The following RBFOX1 variants were observed in gnomAD, a reference collection of about 807,000 sequenced individuals.
RBFOX1 encodes RNA binding protein fox-1 homolog 1.
Under a neutral mutation model 57.7 loss-of-function variants are expected in RBFOX1, and 8 were observed. That is an observed-to-expected ratio of 0.14 (90% CI 0.08 to 0.25). The LOEUF (loss-of-function observed/expected upper bound fraction) is 0.25. Among genes scored for constraint, RBFOX1 ranks in the 10% least tolerant of loss-of-function variants. The pLI, the probability that RBFOX1 is intolerant of heterozygous loss-of-function variation, is 1.00. For synonymous variants in RBFOX1, 326 were observed against 222.4 expected (o/e 1.47, Z -4.15); for missense variants, 611 against 548.5 (o/e 1.11, Z -1.14).
chr16:6,545,004 T>C (rs1046839589), intron 2 of RBFOX1, among the ~76,000 whole-genome samples: 4 of 152,214 alleles, frequency 2.6e-5, no homozygotes, highest in African/African-American at 9.6e-5. Context: ...TAAATCTTTT[T>C]TTTATAGGCT....
At chr16:6,847,878 G>T (rs985634426) in intron 3 of RBFOX1, among the ~76,000 whole-genome samples, 6 of 151,968 alleles carry the variant, frequency 3.9e-5, no homozygotes, top group Non-Finnish European at 8.8e-5. Flanking sequence ...TGGTCTGTCA[G>T]TCAGGCTGGA....
intron 3 of RBFOX1, among the ~76,000 whole-genome samples, chr16:5,648,235 C>G (rs945497087): frequency 6.6e-6 from 1 of 152,176 alleles, no homozygotes; most frequent in Non-Finnish European, 1.5e-5. Flanking sequence ...CAGGGAAAAC[C>G]TGCTGTGTCA....
At chr16:7,008,103 T>C (rs972509870) in intron 3 of RBFOX1, among the ~76,000 whole-genome samples, 3 of 152,174 alleles carry the variant, frequency 2.0e-5, no homozygotes, top group African/African-American at 7.2e-5. Flanking sequence ...TCTTGCCCTT[T>C]ATTGTTTCAT....
At chr16:6,861,191 T>C (rs998484836) in intron 3 of RBFOX1, among the ~76,000 whole-genome samples, 4 of 152,186 alleles carry the variant, frequency 2.6e-5, no homozygotes, top group African/African-American at 9.6e-5. Flanking sequence ...AAAGAGTGCA[T>C]CTGAACAGCT....
intron 4 of RBFOX1, among the ~76,000 whole-genome samples, chr16:7,378,504 T>C (rs1486436441): frequency 6.6e-6 from 1 of 152,040 alleles, no homozygotes. Context: ...CATTTCTGTC[T>C]TGGGTGATTT....
At chr16:5,606,954 C>T (rs146463268) in intron 3 of RBFOX1, among the ~76,000 whole-genome samples, 72 of 152,306 alleles carry the variant, frequency 4.7e-4, no homozygotes, top group African/African-American at 1.7e-3. Flanking sequence ...TGAGTTTTTG[C>T]TGTGATCAGT....
intron 4 of RBFOX1, among the ~76,000 whole-genome samples, chr16:7,517,145 G>GTGTGTGTC (rs1170821440): frequency 1.7e-4 from 8 of 47,684 alleles, no homozygotes; most frequent in African/African-American, 5.4e-4. Flanking sequence ...TGCCGTGTGT[G>GTGTGTGTC]TGTGTGTGTG....
At chr16:7,265,349 G>C (rs1046817876) in intron 4 of RBFOX1, among the ~76,000 whole-genome samples, 2 of 152,148 alleles carry the variant, frequency 1.3e-5, no homozygotes, top group African/African-American at 2.4e-5. Flanking sequence ...GAAAGAGAGA[G>C]AGGGAGAGGA....
chr16:7,066,464 A>C (rs1424328811), intron 4 of RBFOX1, among the ~76,000 whole-genome samples: 1 of 152,188 alleles, frequency 6.6e-6, no homozygotes. Flanking sequence ...GTAGGATCCA[A>C]CTATGACAGG....
rs1253879680 is a variant in RBFOX1 at position 7,217,063 on chromosome 16, C to G, written c.27+164965C>G. On this transcript the variant is annotated intron_variant, in intron 4 of 15. Transcript: ENST00000550418. ...TCCCTCCCTCCCTCCCTCTCTCTCCCTCTCCTTTCCCTCTCCTCCCCTGTT... is the reference window on the plus strand; with the variant it reads ...TCCCTCCCTCCCTCCCTCTCTCTCCGTCTCCTTTCCCTCTCCTCCCCTGTT... Among the ~76,000 whole-genome samples, 276 of 127,418 alleles carry G rather than the reference C, an allele frequency of 2.2e-3. 1 individual carries two copies. The highest frequency in any genetic ancestry group is 3.3e-3 in the Non-Finnish European group (200 of 61,078). 83.6% of individuals were successfully genotyped at this position (127,418 alleles called of 152,430 possible).
chr16:7,422,285 T>C (rs1199714513), intron 4 of RBFOX1, among the ~76,000 whole-genome samples: 1 of 152,182 alleles, frequency 6.6e-6, no homozygotes, highest in African/African-American at 2.4e-5. Context: ...TTTCATATCA[T>C]GTAGGCGTCT....
At chr16:6,126,995 C>T (rs764131225) in intron 1 of RBFOX1, among the ~76,000 whole-genome samples, 37 of 151,988 alleles carry the variant, frequency 2.4e-4, no homozygotes, top group Admixed American at 7.2e-4. Flanking sequence ...ATAGGATGGT[C>T]GGGGAAGGCT....
At chr16:7,093,693 C>A (rs1270919420) in intron 4 of RBFOX1, among the ~76,000 whole-genome samples, 1 of 152,162 alleles carries the variant, frequency 6.6e-6, no homozygotes, top group East Asian at 1.9e-4. Flanking sequence ...CCACTCACTG[C>A]AGACTTTGTC....
chr16:5,759,505 C>T (rs1202885788), intron 3 of RBFOX1, among the ~76,000 whole-genome samples: 1 of 152,234 alleles, frequency 6.6e-6, no homozygotes, highest in Non-Finnish European at 1.5e-5. Flanking sequence ...CTCTCAGGCT[C>T]ACCTTCAGCC....
At chr16:6,072,629 T>A (rs74696910) in intron 1 of RBFOX1, among the ~76,000 whole-genome samples, 6 of 152,080 alleles carry the variant, frequency 3.9e-5, no homozygotes, top group Middle Eastern at 6.8e-3. Context: ...TTTTTTTTTT[T>A]AATTTTTCAT....
At chr16:6,160,069 A>G (rs2096866972) in intron 1 of RBFOX1, among the ~76,000 whole-genome samples, 1 of 152,150 alleles carries the variant, frequency 6.6e-6, no homozygotes, top group African/African-American at 2.4e-5. Context: ...TTATTGAGGC[A>G]TTTACTGATA....
intron 3 of RBFOX1, among the ~76,000 whole-genome samples, chr16:5,834,518 G>T (rs959034941): frequency 6.6e-6 from 1 of 151,998 alleles, no homozygotes; most frequent in African/African-American, 2.4e-5. Context: ...TGGGCACTTG[G>T]TTTGTTTCAT....
chr16:6,051,235 G>T (rs113479314), intron 1 of RBFOX1, among the ~76,000 whole-genome samples: 5,670 of 151,842 alleles, frequency 0.037, 121 homozygotes, highest in Non-Finnish European at 0.058. Flanking sequence ...CTTATCATCT[G>T]TTCCCCCAAA....
chr16:7,587,688 G>T (rs757069061), intron 7 of RBFOX1, among the ~76,000 whole-genome samples: 11 of 152,048 alleles, frequency 7.2e-5, no homozygotes, highest in African/African-American at 1.9e-4. Context: ...TATTTTCCTG[G>T]GTTGTAGGGG....
Sources: allele counts gnomAD v4.1 joint callset (sites outside exome capture counted in the v4.1 genomes callset), GRCh38; gene constraint gnomAD v4.1.1; transcripts MANE v1.5; gene names NCBI Gene and HGNC (gene_info 2026-07-23, HGNC 2026-07-21).